UMAD1: variants seen among roughly 807,000 people sequenced by gnomAD.
UMAD1 encodes the protein UBAP1-MVB12-associated (UMA)-domain containing protein 1.
Under a neutral mutation model 6.1 loss-of-function variants are expected in UMAD1, and 8 were observed. The observed-to-expected ratio is 1.30, with a 90% CI of 0.76 to 2.35. The LOEUF (loss-of-function observed/expected upper bound fraction) is 2.35. Among genes scored for constraint, UMAD1 ranks in the 30% most tolerant of loss-of-function variants. The pLI, the probability that UMAD1 is intolerant of heterozygous loss-of-function variation, is 0.00. For synonymous variants in UMAD1, 56 were observed against 31.4 expected (o/e 1.78, Z -2.61); for missense variants, 130 against 78.4 (o/e 1.66, Z -2.49).
In UMAD1 at chr7:7,645,537, C is replaced by T. The variant is rs112739887; in HGVS notation, c.-64+4716C>T. On this transcript the variant is annotated intron_variant, in intron 1 of 3. Coordinates refer to ENST00000682710, the MANE Select transcript of UMAD1 (RefSeq NM_001302348.2). ...GTTCTATGTGGCAGAGAAGTGGACC[C>T]GCATTCAGCTTCCTTTAAGGAGTAT... is the stretch of plus-strand genomic sequence containing the variant. Among the ~76,000 whole-genome samples, 479 of 152,310 alleles carry T rather than the reference C, an allele frequency of 3.1e-3. 1 individual carries two copies. Among genetic ancestry groups the T allele is most frequent in the African/African-American group, 0.011 (457 of 41,562 alleles).
At chr7:7,820,741 ACT>A (rs1783226332) in intron 3 of UMAD1, among the ~76,000 whole-genome samples, 1 of 151,976 alleles carries the variant, frequency 6.6e-6, no homozygotes, top group South Asian at 2.1e-4. Flanking sequence ...TTTTTTTCAA[ACT>A]CTTCTCATGA....
At chr7:7,689,244 C>T (rs1780114713) in intron 2 of UMAD1, 1 of 152,172 alleles carries the variant, frequency 6.6e-6, no homozygotes, top group Admixed American at 6.5e-5. Context: ...CAGATACAGA[C>T]AGAAGAGACT....
chr7:7,798,100 C>T (rs1165120221), intron 2 of UMAD1, among the ~76,000 whole-genome samples: 1 of 152,190 alleles, frequency 6.6e-6, no homozygotes, highest in African/African-American at 2.4e-5. Flanking sequence ...GGAACACAGC[C>T]ACACACATTA....
At chr7:7,672,942 G>A (rs997732436) in intron 1 of UMAD1, among the ~76,000 whole-genome samples, 8 of 152,146 alleles carry the variant, frequency 5.3e-5, no homozygotes, top group African/African-American at 2.4e-5. Context: ...ACCTGGACAG[G>A]TCTGTTTATT....
At chr7:7,706,031 A>G (rs1780591011) in intron 2 of UMAD1, among the ~76,000 whole-genome samples, 1 of 152,196 alleles carries the variant, frequency 6.6e-6, no homozygotes, top group Non-Finnish European at 1.5e-5. Flanking sequence ...CTATTTTTAC[A>G]TGGAAAAATA....
At chr7:7,675,502 A>G (rs1779716703) in intron 2 of UMAD1, among the ~76,000 whole-genome samples, 1 of 152,158 alleles carries the variant, frequency 6.6e-6, no homozygotes, top group Non-Finnish European at 1.5e-5. Context: ...TCCGAGTATT[A>G]TCTACTATGG....
intron 2 of UMAD1, among the ~76,000 whole-genome samples, chr7:7,712,407 C>T (rs1780787898): frequency 6.6e-6 from 1 of 152,090 alleles, no homozygotes; most frequent in African/African-American, 2.4e-5. Flanking sequence ...ATGCATTTTT[C>T]ATAAAAATCA....
intron 3 of UMAD1, among the ~76,000 whole-genome samples, chr7:7,838,655 G>A (rs1783618139): frequency 6.6e-6 from 1 of 152,170 alleles, no homozygotes; most frequent in South Asian, 2.1e-4. Context: ...AATGATCACA[G>A]TGCTATTCAT....
chr7:7,740,214 A>G (rs1781435787), intron 2 of UMAD1, among the ~76,000 whole-genome samples: 1 of 152,228 alleles, frequency 6.6e-6, no homozygotes, highest in Non-Finnish European at 1.5e-5. Context: ...TAACTTATCA[A>G]TCACAAAGTT....
At chr7:7,866,165 A>G (rs1784221554) in intron 3 of UMAD1, among the ~76,000 whole-genome samples, 1 of 152,240 alleles carries the variant, frequency 6.6e-6, no homozygotes, top group Admixed American at 6.5e-5. Flanking sequence ...TAACTTATTT[A>G]GAAGAAATGT....
chr7:7,782,306 C>G (rs1376235766), intron 2 of UMAD1, among the ~76,000 whole-genome samples: 1 of 151,964 alleles, frequency 6.6e-6, no homozygotes, highest in African/African-American at 2.4e-5. Flanking sequence ...TTCTCATATA[C>G]TTTTCTGTTC....
chr7:7,654,911 A>AC lies in UMAD1; in HGVS notation c.-64+14090_-64+14091insC, dbSNP rs939213383. ...GAGTAAGACTCTGTCTCAAAAAAAAAAAAAAAATTTGTGATATTTTTAATT... is the reference window on the plus strand; with the variant it reads ...GAGTAAGACTCTGTCTCAAAAAAAAACAAAAAAATTTGTGATATTTTTAATT... On this transcript the variant is annotated intron_variant, in intron 1 of 3. Coordinates refer to ENST00000682710, the MANE Select transcript of UMAD1 (RefSeq NM_001302348.2). Among the ~76,000 whole-genome samples the AC allele has an allele frequency of 5.7e-4, 86 of 151,846 alleles. 2 individuals are homozygous for AC. Among genetic ancestry groups the AC allele is most frequent in the African/African-American group, 2.0e-3 (83 of 41,386 alleles).
At chr7:7,749,183 C>A (rs1318554748) in intron 2 of UMAD1, among the ~76,000 whole-genome samples, 2 of 152,132 alleles carry the variant, frequency 1.3e-5, no homozygotes, top group Non-Finnish European at 2.9e-5. Flanking sequence ...TCAGTTACTT[C>A]TTTTTAATGT....
At chr7:7,810,570 A>G (rs924793737) in intron 3 of UMAD1, among the ~76,000 whole-genome samples, 1 of 152,200 alleles carries the variant, frequency 6.6e-6, no homozygotes, top group African/African-American at 2.4e-5. Flanking sequence ...TATAAAAACT[A>G]TGCAGAAAAA....
chr7:7,649,169 A>G (rs1408568772), intron 1 of UMAD1, among the ~76,000 whole-genome samples: 2 of 140,782 alleles, frequency 1.4e-5, no homozygotes, highest in Non-Finnish European at 3.0e-5. Context: ...AAAAAAAAAA[A>G]AAAAAAAAAA....
chr7:7,790,897 GT>G (rs138633375), intron 2 of UMAD1, among the ~76,000 whole-genome samples: 9,281 of 151,898 alleles, frequency 0.061, 978 homozygotes, highest in African/African-American at 0.21. Flanking sequence ...TTCATTTTTT[GT>G]TTTTTTGATA....
At chr7:7,642,247 A>G (rs1456553055) in intron 1 of UMAD1, among the ~76,000 whole-genome samples, 2 of 144,666 alleles carry the variant, frequency 1.4e-5, no homozygotes, top group Non-Finnish European at 3.0e-5. Flanking sequence ...CGATCCTCTC[A>G]CCTCAGCCTG....
At chr7:7,728,504 C>T (rs1057499528) in intron 2 of UMAD1, among the ~76,000 whole-genome samples, 2 of 151,990 alleles carry the variant, frequency 1.3e-5, no homozygotes, top group African/African-American at 2.4e-5. Flanking sequence ...ATCAGCCAGG[C>T]GTGGTGGCGT....
At chr7:7,703,730 A>G (rs1780524790) in intron 2 of UMAD1, among the ~76,000 whole-genome samples, 2 of 152,148 alleles carry the variant, frequency 1.3e-5, no homozygotes, top group Admixed American at 1.3e-4. Flanking sequence ...GCTTGAGCCC[A>G]GGAGTTTGAG....
Sources: allele counts gnomAD v4.1 joint callset (sites outside exome capture counted in the v4.1 genomes callset), GRCh38; gene constraint gnomAD v4.1.1; transcripts MANE v1.5; gene names NCBI Gene and HGNC (gene_info 2026-07-23, HGNC 2026-07-21).